The following MACF1 variants were observed in gnomAD, a reference collection of about 807,000 sequenced individuals.
The protein encoded by MACF1 is microtubule-actin cross-linking factor 1.
MACF1 carries 193 observed loss-of-function variants against 854.8 expected under a neutral mutation model. The observed-to-expected ratio is 0.23, with a 90% confidence interval of 0.20 to 0.25. MACF1 has a LOEUF of 0.25. Among genes scored for constraint, MACF1 ranks in the 10% least tolerant of loss-of-function variants. The probability of loss-of-function intolerance (pLI) is 1.00; values close to 1 mark genes in which losing one functional copy is unlikely to be tolerated. For missense variants in MACF1, 7,722 were observed against 8,929.1 expected, an observed-to-expected ratio of 0.86 and a Z score of 5.45; for synonymous variants, 3,185 against 3,226.7, an observed-to-expected ratio of 0.99 and a Z score of 0.44.
chr1:39,389,480 C>G (rs1359466999), intron 58 of MACF1, among the ~76,000 whole-genome samples: 2 of 151,322 alleles, frequency 1.3e-5, no homozygotes, highest in Admixed American at 6.6e-5. Context: ...CTGCCTCAGC[C>G]TCCCAAGTAG....
chr1:39,343,975 C>T lies in MACF1; in HGVS notation c.10582-3002C>T, dbSNP rs987569081. ...TACTAAAAATACAAAGTTAGCCAGG[C>T]GTGGTGGCACATGCCTGTAATCTCA... On this transcript the variant is annotated intron_variant, in intron 40 of 100. Transcript: ENST00000564288. Among the ~76,000 whole-genome samples, 10 of 152,082 alleles carry T rather than the reference C, an allele frequency of 6.6e-5. No individual in the cohort carries two copies. In the East Asian group the frequency reaches 1.4e-3, roughly 21 times the overall value.
intron 22 of MACF1, 66 bp downstream of exon 22, chr1:39,300,428 T>A: frequency 6.7e-7 from 1 of 1,492,580 alleles, no homozygotes. Flanking sequence ...AGCCTTCAGT[T>A]AGGGTTATGA....
At chr1:39,337,527 A>G (rs1009359530) in intron 38 of MACF1, among the ~76,000 whole-genome samples, 196 bp downstream of exon 38, 6 of 150,986 alleles carry the variant, frequency 4.0e-5, no homozygotes, top group Non-Finnish European at 7.4e-5. Context: ...AAACTTGAAC[A>G]GACCTTGGAT....
rs1294623160 is a variant in MACF1 at position 39,333,225 on chromosome 1, C to G, written c.6637C>G (p.Leu2213Val). ...GAAAACTCTAGGTATAAAGTTAGAA[C>G]TAAAGTCTGAAACTGATGGGAATGT... ...VKKTLGIKLE[L>V]KSETDGNVHP... Residue 2213 changes from leucine (L) to valine (V), a missense_variant, in exon 37 of 101, where the codon CTA becomes GTA. Around this residue, in one of 15 missense-constraint regions of MACF1, gnomAD observed 1,531 missense variants for 1,601.6 expected, o/e 0.96. Transcript: ENST00000564288. 1.9e-6 allele frequency: 3 copies of G among 1,612,428 alleles called. No homozygotes were observed. Among genetic ancestry groups the G allele is most frequent in the African/African-American group, 1.3e-5 (1 of 74,692 alleles).
chr1:39,120,885 A>C (rs1390063097), intron 2 of MACF1: 1 of 152,288 alleles, frequency 6.6e-6, no homozygotes, highest in East Asian at 1.9e-4. Context: ...GTTATTATTG[A>C]CTATAGTCAC....
chr1:39,279,412 A>G (rs978377502), intron 6 of MACF1, among the ~76,000 whole-genome samples: 13 of 150,114 alleles, frequency 8.7e-5, no homozygotes, highest in Middle Eastern at 3.4e-3. Context: ...TTTTTTTCCA[A>G]TTTTAAAATA....
rs1457044325 is a variant in MACF1 at position 39,442,662 on chromosome 1, C to A, written c.19105-52C>A. 6.2e-6 allele frequency: 10 copies of A among 1,609,642 alleles called. 1 individual carries two copies. In the African/African-American group the frequency reaches 9.4e-5, roughly 15 times the overall value. ...GAATGTTGTGTATATCTTAAGAGAACCAAGTTAGATGATATCCATAGAGAT... is the reference window on the plus strand; with the variant it reads ...GAATGTTGTGTATATCTTAAGAGAAACAAGTTAGATGATATCCATAGAGAT... On this transcript the variant is annotated intron_variant, in intron 77 of 100. Coordinates refer to ENST00000564288, the MANE Select transcript of MACF1 (RefSeq NM_001394062.1).
rs1002348976 is a variant in MACF1 at position 39,198,153 on chromosome 1, G to T, written c.221-33029G>T. Among the ~76,000 whole-genome samples the T allele has an allele frequency of 2.8e-4, 43 of 152,102 alleles. 2 individuals carry two copies. The highest frequency in any genetic ancestry group is 1.5e-5 in the Non-Finnish European group (1 of 68,016). The stretch of plus-strand genomic sequence containing the variant: ...TTTGAGGCTGCAGCGAGCTATGATT[G>T]TGCCACTGCATTCCAGCTTGGACTA... On this transcript the variant is annotated intron_variant, in intron 2 of 93. Transcript: ENST00000361689.
intron 43 of MACF1, among the ~76,000 whole-genome samples, chr1:39,351,586 T>C (rs1647186038): frequency 6.9e-6 from 1 of 144,286 alleles, no homozygotes; most frequent in African/African-American, 2.6e-5. Flanking sequence ...AATGGCTTTT[T>C]TTTTTTTTTT....
intron 2 of MACF1, among the ~76,000 whole-genome samples, chr1:39,160,777 A>G (rs1230116947): frequency 6.6e-6 from 1 of 152,168 alleles, no homozygotes. Context: ...GATACAAACC[A>G]TTGCCTTTGT....
In MACF1 at chr1:39,436,438, A is replaced by G. The variant is rs200659390; in HGVS notation, c.17988+677A>G. The G allele has an allele frequency of 6.2e-5, 100 of 1,612,416 alleles. 1 individual carries two copies. In the Middle Eastern group the frequency reaches 1.3e-3, roughly 21 times the overall value. ...TGCTGCCTGCTCCTGTCTTCCCCAC[A>G]TCGTCACATTTCATTGTTGTGTTGA... On this transcript the variant is annotated intron_variant, in intron 70 of 100. Transcript: ENST00000564288.
rs897459455 is a variant in MACF1 at position 39,123,723 on chromosome 1, T to A, written c.220+39285T>A. 5.8e-5 allele frequency among the ~76,000 whole-genome samples: 8 copies of A among 137,418 alleles called. No individual in the cohort carries two copies. The Middle Eastern group carries it at 0.018, about 305-fold the overall frequency. The allele number at this position is 137,418 out of a possible 152,430, so 90.2% of individuals were successfully genotyped here. On this transcript the variant is annotated intron_variant, in intron 2 of 93. Coordinates refer to the MACF1 transcript ENST00000361689. ...CCCGGCTAATTCTTGTTTTGTTTTT[T>A]TTTTTTTTTTTTTTGTCCGAGGCAG...
intron 6 of MACF1, among the ~76,000 whole-genome samples, chr1:39,275,990 G>T (rs1331324401): frequency 2.0e-5 from 3 of 151,486 alleles, no homozygotes; most frequent in Non-Finnish European, 4.4e-5. Flanking sequence ...TGCAATCATA[G>T]CTCACTGCAA....
At chr1:39,296,718 A>C (rs1645907928) in intron 20 of MACF1, among the ~76,000 whole-genome samples, 1 of 146,934 alleles carries the variant, frequency 6.8e-6, no homozygotes, top group Admixed American at 6.8e-5. Context: ...CAACAGAGCA[A>C]GTGTCTAAAT....
At chr1:39,262,975 C>T (rs72661940) in intron 6 of MACF1, among the ~76,000 whole-genome samples, 27 of 145,710 alleles carry the variant, frequency 1.9e-4, no homozygotes, top group Non-Finnish European at 3.2e-4. Flanking sequence ...AGTGCCCCCC[C>T]ACCCCCCGCC....
At chr1:39,415,095 T>C (rs1250925705) in intron 58 of MACF1, among the ~76,000 whole-genome samples, 3 of 152,218 alleles carry the variant, frequency 2.0e-5, no homozygotes, top group Admixed American at 2.0e-4. Context: ...CCAAAGTAGA[T>C]TGGAGAGAAG....
At chr1:39,180,264 T>G (rs934551738) in intron 2 of MACF1, among the ~76,000 whole-genome samples, 4 of 152,164 alleles carry the variant, frequency 2.6e-5, no homozygotes, top group African/African-American at 9.7e-5. Flanking sequence ...GGTTCCCTAC[T>G]CTGGTACTAA....
In MACF1 at chr1:39,442,567, T is replaced by C. The variant is rs1389119435; in HGVS notation, c.19104T>C (p.His6368=). ...KVIEVELAKH[H]VLKNDVLAHQ... ...TTGAAGTTGAGCTCGCAAAGCACCA[T>C]GTAAGTATTTTCATTTTTTCATCTC... is the stretch of plus-strand genomic sequence containing the variant. The change falls in exon 77 of 101, where the codon CAT becomes CAC. Residue 6368 remains histidine (H), a splice_region_variant and synonymous_variant. Coordinates refer to ENST00000564288, the MANE Select transcript of MACF1 (RefSeq NM_001394062.1). 57 of 1,614,042 alleles carry C rather than the reference T, an allele frequency of 3.5e-5. 1 individual carries two copies. Among genetic ancestry groups the C allele is most frequent in the Non-Finnish European group, 4.7e-5 (55 of 1,180,002 alleles).
chr1:39,228,491 C>G (rs905401814), intron 1 of MACF1, among the ~76,000 whole-genome samples: 1 of 152,090 alleles, frequency 6.6e-6, no homozygotes, highest in Non-Finnish European at 1.5e-5. Context: ...GCAGATGACA[C>G]GGGCTTGGAA....
Sources: gnomAD v4.1 joint callset for allele counts (sites outside exome capture counted in the v4.1 genomes callset) on GRCh38, gnomAD v4.1.1 for gene constraint, gnomAD v4.1.1 regional missense constraint, MANE v1.5 for transcripts, NCBI Gene and HGNC (gene_info 2026-07-23, HGNC 2026-07-21) for gene names.